Variants in GIPR observed in about 807,000 individuals in gnomAD.
GIPR encodes the protein gastric inhibitory polypeptide receptor.
A neutral mutation model predicts 62.2 loss-of-function variants in GIPR; 74 were observed. That is an observed-to-expected ratio of 1.19 (90% confidence interval 0.99 to 1.44). The LOEUF is 1.44. GIPR is among the 40% of genes most tolerant of loss of function. The pLI, the probability that GIPR is intolerant of heterozygous loss-of-function variation, is 0.00. For missense variants in GIPR, 664 were observed against 611.8 expected, an observed-to-expected ratio of 1.09 and a Z score of -0.90; for synonymous variants, 256 against 262.2, an observed-to-expected ratio of 0.98 and a Z score of 0.23.
chr19:45,677,037 T>G lies in GIPR; in HGVS notation c.722T>G (p.Leu241Arg). ...TGGCTGCTGGTGGAGGGCGTCTACCTGCACAGTCTCCTGGTGCTCGTGGGA... is the reference window on the plus strand; with the variant it reads ...TGGCTGCTGGTGGAGGGCGTCTACCGGCACAGTCTCCTGGTGCTCGTGGGA... ...YTWLLVEGVY[L>R]HSLLVLVGGS... Residue 241 changes from leucine to arginine, a missense_variant, in exon 8 of 14, where the codon CTG becomes CGG. Leu to Arg is a moderately radical substitution (Grantham distance 102). Transcript: ENST00000590918. 1 of 1,613,450 alleles carries G rather than the reference T, an allele frequency of 6.2e-7. No homozygotes were observed. The highest frequency in any genetic ancestry group is 8.5e-7 in the Non-Finnish European group (1 of 1,179,420).
At position 45,672,946 on chromosome 19, in the gene GIPR, G is replaced by C; in HGVS notation, c.376G>C (p.Ala126Pro). 6.3e-7 allele frequency: 1 copy of C among 1,585,318 alleles called. No homozygotes were observed. ...ATGTGAGAACCCAGAGAAGAATGAG[G>C]CCTTTCTGGTAAGAAGAGGTGAGGG... ...TQCENPEKNE[A>P]FLDQRLILER... The change falls in exon 5 of 14, where the codon GCC (alanine) becomes CCC (proline). Residue 126 changes from alanine to proline, a missense_variant. Physicochemically the swap from Ala to Pro is conservative, Grantham distance 27 (BLOSUM62 -1). Coordinates refer to ENST00000590918, the MANE Select transcript of GIPR (RefSeq NM_000164.4).
At chr19:45,678,353 C>G in intron 12 of GIPR, 127 bp downstream of exon 12, 1 of 1,034,438 alleles carries the variant, frequency 9.7e-7, no homozygotes. Flanking sequence ...TTAGTTCGTT[C>G]ATTAATTAAT....
chr19:45,670,794 G>A (rs1384144907), intron 3 of GIPR, 60 bp downstream of exon 3: 1 of 984,660 alleles, frequency 1.0e-6, no homozygotes, highest in Non-Finnish European at 1.6e-6. Flanking sequence ...GTGGGCTTGG[G>A]ATGGGCCTTG....
intron 12 of GIPR, among the ~76,000 whole-genome samples, chr19:45,680,839 CA>C (rs10561788): frequency 0.43 from 48,223 of 111,134 alleles, 8,741 homozygotes; most frequent in Admixed American, 0.52. Context: ...TCCCTGTCTC[CA>C]AAAAAAAAAA....
chr19:45,681,314 A>C (rs1305874143), intron 12 of GIPR, among the ~76,000 whole-genome samples: 5 of 151,996 alleles, frequency 3.3e-5, no homozygotes, highest in Non-Finnish European at 7.4e-5. Flanking sequence ...GGACAACAGG[A>C]TGAAACCCCG....
In GIPR at chr19:45,669,542, C is replaced by G. The variant is rs374247187; in HGVS notation, c.22C>G (p.Gln8Glu). 1.3e-6 allele frequency: 2 copies of G among 1,580,728 alleles called. No individual in the cohort carries two copies. Among genetic ancestry groups the G allele is most frequent in the African/African-American group, 1.3e-5 (1 of 74,520 alleles). ...CACGATGACTACCTCTCCGATCCTGCAGCTGCTGCTGCGGCTCTCACTGTG... is the reference window on the plus strand; with the variant it reads ...CACGATGACTACCTCTCCGATCCTGGAGCTGCTGCTGCGGCTCTCACTGTG... Reference protein sequence around the residue: MTTSPILQLLLRLSLCGL... With the variant: MTTSPILELLLRLSLCGL... The change falls in exon 2 of 14, where the codon CAG becomes GAG. Residue 8 changes from glutamine (Q) to glutamate (E), a missense_variant. Physicochemically the swap from Gln to Glu is conservative, Grantham distance 29. Transcript: ENST00000590918.
In GIPR at chr19:45,681,883, C is replaced by G. The variant is rs775485595; in HGVS notation, c.1349C>G (p.Thr450Ser). ...ACCAGCCGCGGCTTGTCCTCGGGGA[C>G]CCTCCCAGGGCCTGGGAATGAGGCC... ...VPTSRGLSSGTLPGPGNEASR... is the reference protein window; with the variant it reads ...VPTSRGLSSGSLPGPGNEASR... The change falls in exon 14 of 14, where the codon ACC (threonine) becomes AGC (serine). Residue 450 changes from threonine (T) to serine (S), a missense_variant. Thr to Ser is a moderately conservative substitution (Grantham distance 58, BLOSUM62 1). Transcript: ENST00000590918. 4 of 1,557,176 alleles carry G rather than the reference C, an allele frequency of 2.6e-6. No individual in the cohort carries two copies. The highest frequency in any genetic ancestry group is 3.5e-6 in the Non-Finnish European group (4 of 1,150,008).
chr19:45,677,245 G>T lies in GIPR; in HGVS notation c.794-78G>T, dbSNP rs1966986707. 2.2e-6 allele frequency: 3 copies of T among 1,383,734 alleles called. No individual in the cohort carries two copies. The South Asian group carries it at 3.7e-5, about 17-fold the overall frequency. 85.7% of individuals were successfully genotyped at this position (1,383,734 alleles called of 1,614,324 possible). ...CCCCACCCCGACAGAGGAATTCCGCGGGTCTTGGGCCTGGCGGGGCCCGTG... is the reference window on the plus strand; with the variant it reads ...CCCCACCCCGACAGAGGAATTCCGCTGGTCTTGGGCCTGGCGGGGCCCGTG... On this transcript the variant is annotated intron_variant, in intron 8 of 13. Transcript: ENST00000590918.
rs897716369 is a variant in GIPR at position 45,682,175 on chromosome 19, C to A, written c.*240C>A. On this transcript the variant is annotated 3_prime_UTR_variant, in exon 14 of 14. Coordinates refer to ENST00000590918, the MANE Select transcript of GIPR (RefSeq NM_000164.4). ...AGGGGGCCTAGGGTGGTCTGGGAGGCGTCTCCAAGGAGGTGACACTTAAGC... is the reference window on the plus strand; with the variant it reads ...AGGGGGCCTAGGGTGGTCTGGGAGGAGTCTCCAAGGAGGTGACACTTAAGC... The A allele has an allele frequency of 9.3e-6, 5 of 537,612 alleles. No individual in the cohort carries two copies. Among genetic ancestry groups the A allele is most frequent in the Admixed American group, 3.5e-5 (1 of 28,714 alleles). The allele number at this position is 537,612 out of a possible 1,614,324, so 33.3% of individuals were successfully genotyped here.
chr19:45,677,188 C>T (rs1966984104), intron 8 of GIPR, 80 bp downstream of exon 8: 4 of 1,488,004 alleles, frequency 2.7e-6, no homozygotes, highest in Middle Eastern at 2.3e-4. Context: ...TTGGCCTCTG[C>T]GGGTCTCCTC....
chr19:45,671,160 G>T (rs1975516995), intron 3 of GIPR, 125 bp from the exon 4 acceptor site: 1 of 734,288 alleles, frequency 1.4e-6, no homozygotes, highest in Non-Finnish European at 2.5e-6. Context: ...CTAGAGCCGG[G>T]CTTGGTGTGG....
At chr19:45,678,890 G>T (rs933431672) in intron 12 of GIPR, among the ~76,000 whole-genome samples, 1 of 152,194 alleles carries the variant, frequency 6.6e-6, no homozygotes, top group Non-Finnish European at 1.5e-5. Context: ...AGGTAAGTGA[G>T]GTGCCAACGT....
At chr19:45,669,293 G>A (rs900658842) in intron 1 of GIPR, among the ~76,000 whole-genome samples, 184 bp from the exon 2 acceptor site, 1 of 152,166 alleles carries the variant, frequency 6.6e-6, no homozygotes, top group Admixed American at 6.6e-5. Flanking sequence ...CACCCACTCC[G>A]CGTGCCTCTC....
At position 45,677,401 on chromosome 19, in the gene GIPR, G is replaced by T; in HGVS notation, c.854+18G>T. On this transcript the variant is annotated intron_variant, in intron 9 of 13. Coordinates refer to ENST00000590918, the MANE Select transcript of GIPR (RefSeq NM_000164.4). ...AACACGCAGTGAGTTGCAGGGTCTG[G>T]GGCGGGGCGTGGGAGGTGGGCGGGG... The T allele has an allele frequency of 6.6e-7, 1 of 1,523,764 alleles. No homozygotes were observed. The allele number at this position is 1,523,764 out of a possible 1,614,324, so 94.4% of individuals were successfully genotyped here.
At chr19:45,672,434 G>A (rs1975591995) in intron 4 of GIPR, among the ~76,000 whole-genome samples, 2 of 151,074 alleles carry the variant, frequency 1.3e-5, no homozygotes, top group Admixed American at 6.6e-5. Context: ...AGCCTCCTGA[G>A]TAGCTGGGAC....
intron 7 of GIPR, 87 bp from the exon 8 acceptor site, chr19:45,676,862 G>T: frequency 8.5e-7 from 1 of 1,172,306 alleles, no homozygotes; most frequent in East Asian, 2.3e-5. Context: ...GGCAAGAGAC[G>T]GGGTGGAAGG....
At chr19:45,679,323 A>C (rs1390645868) in intron 12 of GIPR, among the ~76,000 whole-genome samples, 2 of 152,022 alleles carry the variant, frequency 1.3e-5, no homozygotes, top group African/African-American at 2.4e-5. Context: ...CTACTAAAAA[A>C]ATAGAAAAAT....
chr19:45,674,079 A>G lies in GIPR; in HGVS notation c.390A>G (p.Gln130=), dbSNP rs1975700568. The G allele has an allele frequency of 6.2e-7, 1 of 1,607,132 alleles. No homozygotes were observed. Among genetic ancestry groups the G allele is most frequent in the African/African-American group, 1.3e-5 (1 of 74,762 alleles). ...NPEKNEAFLD[Q]RLILERLQVM... is the part of the protein sequence containing the mutation. ...CCCCTTCTTGCCCCGACCAGGACCA[A>G]AGGCTCATCTTGGAGCGGTTGCAGG... is the stretch of plus-strand genomic sequence containing the variant. Residue 130 remains glutamine (Q), a synonymous_variant, in exon 6 of 14, where the codon CAA becomes CAG. Coordinates refer to ENST00000590918, the MANE Select transcript of GIPR (RefSeq NM_000164.4).
chr19:45,671,555 A>G (rs1025796346), intron 4 of GIPR, among the ~76,000 whole-genome samples, 163 bp downstream of exon 4: 9 of 151,998 alleles, frequency 5.9e-5, no homozygotes, highest in African/African-American at 1.9e-4. Context: ...TGTCTGTCCA[A>G]CCCTGCCTAT....
Sources: gnomAD v4.1 joint callset for allele counts (sites outside exome capture counted in the v4.1 genomes callset) on GRCh38, gnomAD v4.1.1 for gene constraint, MANE v1.5 for transcripts, NCBI Gene and HGNC (gene_info 2026-07-23, HGNC 2026-07-21) for gene names.